The following PLIN2 variants were observed in gnomAD, a reference collection of about 807,000 sequenced individuals.
PLIN2 encodes perilipin 2, also known as perilipin-2.
A neutral mutation model predicts 30.6 loss-of-function variants in PLIN2; 33 were observed. That is an observed-to-expected ratio of 1.08 (90% CI 0.82 to 1.44). PLIN2 has a LOEUF of 1.44. Among genes scored for constraint, PLIN2 ranks in the 40% most tolerant of loss-of-function variants. The pLI is 0.00. For missense variants in PLIN2, 610 were observed against 531.8 expected (o/e 1.15, Z -1.45); for synonymous variants, 205 against 201.1 (o/e 1.02, Z -0.16).
At chr9:19,108,948 C>G (rs1818125040) in intron 2 of PLIN2, among the ~76,000 whole-genome samples, 1 of 152,188 alleles carries the variant, frequency 6.6e-6, no homozygotes. Flanking sequence ...AAAAAGGAAA[C>G]TAACTAGTGG....
In PLIN2 at chr9:19,119,805, A is replaced by G; in HGVS notation, c.622T>C (p.Phe208Leu). The change falls in exon 6 of 8, where the codon TTT becomes CTT. Residue 208 changes from phenylalanine to leucine, a missense_variant. By Grantham distance (22) the Phe-to-Leu change is conservative. Transcript: ENST00000276914. ...TAACTTGGCTTCTGAACCAGATCAAATCCTTCAACTTTTTTTGCTTCTTTT... is the reference window on the plus strand; with the variant it reads ...TAACTTGGCTTCTGAACCAGATCAAGTCCTTCAACTTTTTTTGCTTCTTTT... ...LEKEAKKVEG[F>L]DLVQKPSYYV... 6.4e-7 allele frequency: 1 copy of G among 1,566,168 alleles called. No individual in the cohort carries two copies. The highest frequency in any genetic ancestry group is 8.7e-7 in the Non-Finnish European group (1 of 1,155,678).
chr9:19,109,581 A>G (rs990378500), intron 2 of PLIN2, among the ~76,000 whole-genome samples: 1 of 151,776 alleles, frequency 6.6e-6, no homozygotes, highest in Non-Finnish European at 1.5e-5. Context: ...AATTAATAAC[A>G]TAAAACGTAT....
intron 4 of PLIN2, among the ~76,000 whole-genome samples, chr9:19,122,036 G>A (rs992473082): frequency 1.4e-5 from 2 of 143,938 alleles, no homozygotes; most frequent in Non-Finnish European, 3.0e-5. Context: ...TTGAACCCAG[G>A]AGGAAGAGAC....
chr9:19,124,146 G>A (rs573610106), intron 3 of PLIN2, among the ~76,000 whole-genome samples: 13 of 152,242 alleles, frequency 8.5e-5, no homozygotes, highest in African/African-American at 3.1e-4. Flanking sequence ...GAAATATGGG[G>A]GTGTGAGGGA....
rs564899921 is a variant in PLIN2, at chr9:19,126,481, G to A, written c.-22-33C>T. 1.1e-4 allele frequency: 149 copies of A among 1,334,532 alleles called. No homozygotes were observed. The African/African-American group carries it at 2.0e-3, about 18-fold the overall frequency. 82.7% of individuals were successfully genotyped at this position (1,334,532 alleles called of 1,614,324 possible). ...AAAGAGACTTATTTCAGAACACCGG[G>A]ATAAGACTCTCCCAAATTCATTCCC... On this transcript the variant is annotated intron_variant, in intron 1 of 7. Transcript: ENST00000276914.
downstream of PLIN2, among the ~76,000 whole-genome samples, chr9:19,115,589 G>A (rs181677262): frequency 1.3e-5 from 2 of 152,238 alleles, no homozygotes; most frequent in Admixed American, 1.3e-4. Flanking sequence ...TTACAGGCAT[G>A]AGCCACAGCA....
At chr9:19,118,129 A>G (rs67330394) in intron 7 of PLIN2, among the ~76,000 whole-genome samples, 192 bp downstream of exon 7, 6,276 of 152,294 alleles carry the variant, frequency 0.041, 184 homozygotes, top group Non-Finnish European at 0.057. Flanking sequence ...ATGTATACTC[A>G]TAGGTTGTTA....
At chr9:19,121,785 G>T (rs554911739) in intron 4 of PLIN2, among the ~76,000 whole-genome samples, 3 of 152,268 alleles carry the variant, frequency 2.0e-5, no homozygotes, top group South Asian at 2.1e-4. Flanking sequence ...CAAAAAATTA[G>T]TTGGGCGTGG....
intron 6 of PLIN2, 21 bp downstream of exon 6, chr9:19,119,629 T>A (rs370180914): frequency 1.7e-5 from 26 of 1,488,802 alleles, no homozygotes; most frequent in Non-Finnish European, 2.3e-5. Flanking sequence ...TTCAGACACC[T>A]TAAAATAAAG....
At chr9:19,123,772 G>A (rs995336828) in intron 3 of PLIN2, 125 bp from the exon 4 acceptor site, 15 of 735,120 alleles carry the variant, frequency 2.0e-5, no homozygotes, top group Non-Finnish European at 2.8e-5. Context: ...TGTAATCCCA[G>A]CACTTTGGGA....
chr9:19,118,532 A>C, intron 6 of PLIN2, 77 bp from the exon 7 acceptor site: 1 of 1,337,316 alleles, frequency 7.5e-7, no homozygotes, highest in Non-Finnish European at 1.0e-6. Context: ...GTATGATGTA[A>C]ATCAGGCAAC....
At chr9:19,114,846 C>T (rs529755970), downstream of PLIN2, among the ~76,000 whole-genome samples, 4 of 152,182 alleles carry the variant, frequency 2.6e-5, no homozygotes, top group South Asian at 4.1e-4. Context: ...GTAAGAAGAA[C>T]CTTTTTCTAC....
chr9:19,125,259 A>AAACTC (rs1818377573), intron 3 of PLIN2, among the ~76,000 whole-genome samples: 1 of 152,216 alleles, frequency 6.6e-6, no homozygotes. Flanking sequence ...TCCATTTCTA[A>AAACTC]AACTCATTCA....
downstream of PLIN2, among the ~76,000 whole-genome samples, chr9:19,114,217 TAAA>T (rs1818191955): frequency 6.6e-6 from 1 of 152,018 alleles, no homozygotes; most frequent in Non-Finnish European, 1.5e-5. Context: ...GCCTGGTCGA[TAAA>T]AAACTTTAAT....
Position 19,121,051 on chromosome 9 carries a change from T to C in PLIN2, c.424A>G (p.Lys142Glu). The C allele has an allele frequency of 6.2e-7, 1 of 1,614,218 alleles. No homozygotes were observed. Among genetic ancestry groups the C allele is most frequent in the Non-Finnish European group, 8.5e-7 (1 of 1,180,028 alleles). ...STITGVMDKT[K>E]GAVTGSVEKT... ...TCCACACTGCCAGTCACTGCCCCTT[T>C]GGTCTTGTCCATCACCCCTGTGATC... Residue 142 changes from lysine to glutamate, a missense_variant, in exon 5 of 8, where the codon AAA becomes GAA. Physicochemically the swap from Lys to Glu is moderately conservative, Grantham distance 56 (BLOSUM62 1). Coordinates refer to ENST00000276914, the MANE Select transcript of PLIN2 (RefSeq NM_001122.4).
At chr9:19,111,350 T>C (rs968565112), downstream of PLIN2, among the ~76,000 whole-genome samples, 2 of 152,122 alleles carry the variant, frequency 1.3e-5, no homozygotes, top group African/African-American at 4.8e-5. Flanking sequence ...ACCTGGGCAA[T>C]TTTTACAATT....
At chr9:19,120,788 T>G (rs1818301624) in intron 5 of PLIN2, 92 bp downstream of exon 5, 1 of 1,039,638 alleles carries the variant, frequency 9.6e-7, no homozygotes, top group African/African-American at 1.6e-5. Context: ...CACAACTGTG[T>G]AAATTTAGAC....
chr9:19,127,372 G>A lies in PLIN2; in HGVS notation c.-23+47C>T, dbSNP rs1250626334. On this transcript the variant is annotated intron_variant, in intron 1 of 7. Coordinates refer to ENST00000276914, the MANE Select transcript of PLIN2 (RefSeq NM_001122.4). This position sits in a 1 kb window ranked among gnomAD's most constrained non-coding sequence, Gnocchi z 4.3. ...CCCCCACCCCAACTGGGCGCCGCTG[G>A]GGGCCCGGGACCGGTTCGCTGGGGC... The A allele has an allele frequency of 6.6e-6, 1 of 152,350 alleles. No homozygotes were observed. The highest frequency in any genetic ancestry group is 2.4e-5 in the African/African-American group (1 of 41,460). 9.4% of individuals were successfully genotyped at this position (152,350 alleles called of 1,614,324 possible).
rs148505245 is a variant in PLIN2 at position 19,116,487 on chromosome 9, T to C, written c.1075A>G (p.Asn359Asp). ...GACACTTCTTTAAAGGAGGCAGCAT[T>C]GCGGAACACTGAGTAGATGTCGCCT... Reference protein sequence around the residue: ...MAGDIYSVFRNAASFKEVSDS... With the variant: ...MAGDIYSVFRDAASFKEVSDS... Residue 359 changes from asparagine (N) to aspartate (D), a missense_variant, in exon 8 of 8, where the codon AAT becomes GAT. Transcript: ENST00000276914. 166 of 1,614,216 alleles carry C rather than the reference T, an allele frequency of 1.0e-4. No homozygotes were observed. In the African/African-American group the frequency reaches 2.0e-3, roughly 20 times the overall value.
Sources: gnomAD v4.1 joint callset for allele counts (sites outside exome capture counted in the v4.1 genomes callset) on GRCh38, gnomAD v4.1.1 for gene constraint, Gnocchi (gnomAD v3.1) non-coding constraint, MANE v1.5 for transcripts, NCBI Gene and HGNC (gene_info 2026-07-23, HGNC 2026-07-21) for gene names.